Variants in THSD4 observed in about 807,000 individuals in gnomAD.
THSD4 encodes thrombospondin type 1 domain containing 4.
THSD4 carries 69 observed loss-of-function variants against 119.0 expected under a neutral mutation model. The observed-to-expected ratio is 0.58, with a 90% CI of 0.48 to 0.71. THSD4 has a LOEUF of 0.71. Ranked by LOEUF, THSD4 falls within the 30% of genes least tolerant of loss-of-function variation. The probability of loss-of-function intolerance (pLI) is 0.00; values close to 1 mark genes in which losing one functional copy is unlikely to be tolerated. For synonymous variants in THSD4, 524 were observed against 540.4 expected (o/e 0.97, Z 0.42); for missense variants, 1,393 against 1,391.1 (o/e 1.00, Z -0.02).
intron 3 of THSD4, among the ~76,000 whole-genome samples, chr15:71,199,793 G>A (rs2043773509): frequency 6.7e-6 from 1 of 149,746 alleles, no homozygotes; most frequent in Non-Finnish European, 1.5e-5. Context: ...GGTGTGTGCT[G>A]TGTGTGTGCT....
At chr15:71,243,513 G>A (rs1214150403) in intron 5 of THSD4, among the ~76,000 whole-genome samples, 1 of 152,152 alleles carries the variant, frequency 6.6e-6, no homozygotes, top group Non-Finnish European at 1.5e-5. Context: ...GTCTGAGAGT[G>A]AAGTTGTGAA....
chr15:71,351,337 A>G (rs1270316213), intron 6 of THSD4, among the ~76,000 whole-genome samples: 1 of 151,784 alleles, frequency 6.6e-6, no homozygotes, highest in Non-Finnish European at 1.5e-5. Flanking sequence ...TCCCACCATA[A>G]TACATCATAT....
At chr15:71,256,750 CTT>C in intron 6 of THSD4, 35 bp downstream of exon 6, 22 of 1,581,756 alleles carry the variant, frequency 1.4e-5, no homozygotes, top group Non-Finnish European at 1.7e-5. Context: ...ATAGAAGTTA[CTT>C]TAGTCTGTTT....
intron 8 of THSD4, among the ~76,000 whole-genome samples, chr15:71,670,980 T>C (rs1736939043): frequency 6.6e-6 from 1 of 152,244 alleles, no homozygotes; most frequent in Non-Finnish European, 1.5e-5. Context: ...TGTGTCTTTA[T>C]AGCAGCATGA....
intron 6 of THSD4, among the ~76,000 whole-genome samples, chr15:71,315,534 C>G (rs1379889602): frequency 6.6e-6 from 1 of 152,206 alleles, no homozygotes; most frequent in East Asian, 1.9e-4. Flanking sequence ...AAGGAAAGCA[C>G]CCAGGATAGG....
chr15:71,441,505 C>T (rs1172507432), intron 7 of THSD4, among the ~76,000 whole-genome samples: 1 of 137,372 alleles, frequency 7.3e-6, no homozygotes, highest in African/African-American at 2.7e-5. Flanking sequence ...AAGCAATACT[C>T]CTGCCTCAGC....
intron 10 of THSD4, among the ~76,000 whole-genome samples, chr15:71,736,676 CTCTCTCTCTT>C (rs1252728032): frequency 6.6e-6 from 1 of 152,006 alleles, no homozygotes; most frequent in Non-Finnish European, 1.5e-5. Flanking sequence ...TCTCTCTCTC[CTCTCTCTCTT>C]TCTCTCTCTC....
At chr15:71,200,060 C>T (rs575873621) in intron 3 of THSD4, among the ~76,000 whole-genome samples, 1 of 152,170 alleles carries the variant, frequency 6.6e-6, no homozygotes, top group Admixed American at 6.5e-5. Flanking sequence ...CATCCCTAGG[C>T]TTCTCCTTCA....
intron 1 of THSD4, among the ~76,000 whole-genome samples, chr15:71,099,195 A>G (rs767234001): frequency 1.6e-4 from 24 of 152,210 alleles, no homozygotes; most frequent in Non-Finnish European, 2.9e-4. Context: ...GAAGAGTTGT[A>G]TTGTGCATCA....
rs1048863817 is a variant in THSD4, at chr15:71,590,339, A to T, written c.1153-70191A>T. On this transcript the variant is annotated intron_variant, in intron 7 of 17. Transcript: ENST00000261862. ...TAGTTTTGAGGCCGTGTGGACCTGG[A>T]CTAGGTTGATAGGAATAGGCCATTC... Among the ~76,000 whole-genome samples, 10 of 14,044 alleles carry T rather than the reference A, an allele frequency of 7.1e-4. 2 individuals carry two copies. Among genetic ancestry groups the T allele is most frequent in the Non-Finnish European group, 4.9e-3 (1 of 204 alleles). 9.2% of individuals were successfully genotyped at this position (14,044 alleles called of 152,430 possible).
At chr15:71,665,364 CT>C (rs2051396902) in intron 8 of THSD4, among the ~76,000 whole-genome samples, 1 of 151,256 alleles carries the variant, frequency 6.6e-6, no homozygotes, top group Non-Finnish European at 1.5e-5. Context: ...TTTCCGTAAA[CT>C]TGTGAAAGTT....
chr15:71,665,096 T>C (rs955268738), intron 8 of THSD4, among the ~76,000 whole-genome samples: 3 of 152,220 alleles, frequency 2.0e-5, no homozygotes, highest in African/African-American at 7.2e-5. Context: ...TTGGAAAATA[T>C]TTACATTTCC....
At chr15:71,212,610 G>A (rs560309182) in intron 3 of THSD4, among the ~76,000 whole-genome samples, 7 of 152,296 alleles carry the variant, frequency 4.6e-5, no homozygotes, top group African/African-American at 7.2e-5. Flanking sequence ...GACAATTGTC[G>A]AAGTGGTTTT....
At chr15:71,743,051 T>C (rs2053266085) in intron 11 of THSD4, among the ~76,000 whole-genome samples, 1 of 74,768 alleles carries the variant, frequency 1.3e-5, no homozygotes, top group South Asian at 7.4e-4. Flanking sequence ...CTAAACTCTG[T>C]CTCAAAAAAA....
chr15:71,305,846 C>T (rs1334533469), intron 6 of THSD4, among the ~76,000 whole-genome samples: 1 of 152,206 alleles, frequency 6.6e-6, no homozygotes, highest in Admixed American at 6.5e-5. Context: ...CACTCCAAAT[C>T]TATCCTTCTC....
At chr15:71,379,147 A>G (rs1196076079) in intron 6 of THSD4, among the ~76,000 whole-genome samples, 3 of 150,544 alleles carry the variant, frequency 2.0e-5, no homozygotes, top group Non-Finnish European at 4.5e-5. Context: ...CTGCTCCAGG[A>G]TTAGGTAGCA....
At chr15:71,616,939 C>A (rs1434800662) in intron 7 of THSD4, among the ~76,000 whole-genome samples, 3 of 152,248 alleles carry the variant, frequency 2.0e-5, no homozygotes, top group South Asian at 2.1e-4. Context: ...AGATCAACTG[C>A]TCACAGTAAC....
chr15:71,532,281 A>AGTGTGT (rs1321666806), intron 7 of THSD4, among the ~76,000 whole-genome samples: 38 of 113,188 alleles, frequency 3.4e-4, no homozygotes, highest in Non-Finnish European at 6.0e-4. Flanking sequence ...AGAGAGAGAG[A>AGTGTGT]GAGTGTGTGT....
At chr15:71,718,532 G>A (rs535764399) in intron 8 of THSD4, among the ~76,000 whole-genome samples, 11 of 152,226 alleles carry the variant, frequency 7.2e-5, no homozygotes, top group East Asian at 1.9e-4. Context: ...AGCTGCCAGC[G>A]TAGGCTCCTA....
Sources: allele counts gnomAD v4.1 joint callset (sites outside exome capture counted in the v4.1 genomes callset), GRCh38; gene constraint gnomAD v4.1.1; transcripts MANE v1.5; gene names NCBI Gene and HGNC (gene_info 2026-07-23, HGNC 2026-07-21).